Variants in PTPRD observed in about 807,000 individuals in gnomAD.
PTPRD encodes receptor-type tyrosine-protein phosphatase delta.
A neutral mutation model predicts 214.5 loss-of-function variants in PTPRD; 34 were observed. That is an observed-to-expected ratio of 0.16 (90% CI 0.12 to 0.21). PTPRD has a LOEUF of 0.21. Ranked by LOEUF, PTPRD falls within the 10% of genes least tolerant of loss-of-function variation. The pLI is 1.00. For missense variants in PTPRD, 2,545 were observed against 2,398.7 expected (o/e 1.06, Z -1.27); for synonymous variants, 1,128 against 845.7 (o/e 1.33, Z -5.79).
rs1304541345 is a variant in PTPRD at position 9,313,193 on chromosome 9, GT to G, written c.-203+84255del. Among the ~76,000 whole-genome samples, 9 of 152,180 alleles carry G rather than the reference GT, an allele frequency of 5.9e-5. No individual in the cohort carries two copies. In the South Asian group the frequency reaches 1.9e-3, roughly 32 times the overall value. ...GTTTTGCTGTGTGTCATAAGTTGCA[GT>G]TTCCGGTAAGTTACTGATGATGTTA... is the stretch of plus-strand genomic sequence containing the variant. On this transcript the variant is annotated intron_variant, in intron 9 of 45. Transcript: ENST00000381196.
At chr9:9,646,980 T>G (rs2154370175) in intron 7 of PTPRD, among the ~76,000 whole-genome samples, 1 of 152,118 alleles carries the variant, frequency 6.6e-6, no homozygotes, top group African/African-American at 2.4e-5. Context: ...TCATATAGAG[T>G]ATATACTGTT....
intron 44 of PTPRD, among the ~76,000 whole-genome samples, chr9:8,325,898 G>C (rs540352067): frequency 6.6e-6 from 1 of 152,290 alleles, no homozygotes; most frequent in African/African-American, 2.4e-5. Flanking sequence ...AGGAATGCTT[G>C]TGATTTTTGC....
intron 9 of PTPRD, among the ~76,000 whole-genome samples, chr9:9,264,874 A>AT (rs1429351538): frequency 4.7e-5 from 7 of 148,982 alleles, no homozygotes; most frequent in Non-Finnish European, 1.0e-4. Flanking sequence ...GAGAAAGTGG[A>AT]ATGACGTATT....
chr9:8,708,472 G>C (rs1189449409), intron 12 of PTPRD, among the ~76,000 whole-genome samples: 1 of 151,806 alleles, frequency 6.6e-6, no homozygotes. Context: ...TCAGGAGTTC[G>C]AGACCAGCCT....
intron 33 of PTPRD, among the ~76,000 whole-genome samples, chr9:8,458,865 T>C (rs544837664): frequency 3.9e-5 from 6 of 152,242 alleles, no homozygotes; most frequent in African/African-American, 9.6e-5. Context: ...GCACGGATAA[T>C]TGAATGATGG....
At chr9:10,562,757 T>C (rs1243129590) in intron 2 of PTPRD, among the ~76,000 whole-genome samples, 1 of 152,060 alleles carries the variant, frequency 6.6e-6, no homozygotes, top group Non-Finnish European at 1.5e-5. Context: ...GCACAATGAG[T>C]CAGAAAGCCT....
intron 2 of PTPRD, among the ~76,000 whole-genome samples, chr9:10,596,510 T>C (rs1470893115): frequency 6.6e-6 from 1 of 151,690 alleles, no homozygotes; most frequent in Non-Finnish European, 1.5e-5. Context: ...AAAGGCAGTA[T>C]AAATTAAAAG....
At chr9:10,296,838 C>T (rs2095689128) in intron 3 of PTPRD, among the ~76,000 whole-genome samples, 1 of 151,954 alleles carries the variant, frequency 6.6e-6, no homozygotes, top group Non-Finnish European at 1.5e-5. Context: ...GACGATTGAC[C>T]TCTCTTAGAT....
intron 3 of PTPRD, among the ~76,000 whole-genome samples, chr9:10,193,510 G>A (rs981411921): frequency 2.6e-5 from 4 of 152,098 alleles, no homozygotes; most frequent in African/African-American, 9.7e-5. Context: ...ATGTAAAAGC[G>A]GGGGTGGGAG....
intron 4 of PTPRD, among the ~76,000 whole-genome samples, chr9:9,957,917 AC>A (rs2094063409): frequency 6.6e-6 from 1 of 152,064 alleles, no homozygotes; most frequent in South Asian, 2.1e-4. Context: ...CCAGAATCAG[AC>A]CCACATCAAT....
At chr9:8,960,762 G>C (rs1173224928) in intron 11 of PTPRD, among the ~76,000 whole-genome samples, 1 of 152,086 alleles carries the variant, frequency 6.6e-6, no homozygotes, top group African/African-American at 2.4e-5. Flanking sequence ...GGCAAATTAT[G>C]TGTCATTTTG....
chr9:9,843,721 T>C (rs538710777), intron 5 of PTPRD, among the ~76,000 whole-genome samples: 1 of 151,858 alleles, frequency 6.6e-6, no homozygotes, highest in African/African-American at 2.4e-5. Context: ...ATCTAGAAAA[T>C]CAACATAAGC....
chr9:10,142,359 T>C (rs1313018465), intron 3 of PTPRD, among the ~76,000 whole-genome samples: 1 of 151,406 alleles, frequency 6.6e-6, no homozygotes, highest in African/African-American at 2.4e-5. Flanking sequence ...GGGAGAAAAT[T>C]TTCGCAACCT....
chr9:10,203,362 A>G (rs1373075548), intron 3 of PTPRD, among the ~76,000 whole-genome samples: 1 of 152,084 alleles, frequency 6.6e-6, no homozygotes, highest in Non-Finnish European at 1.5e-5. Context: ...AGCCCTAGTT[A>G]ACACCAGCTG....
intron 11 of PTPRD, among the ~76,000 whole-genome samples, chr9:8,761,946 A>G (rs749300037): frequency 3.3e-5 from 5 of 152,210 alleles, no homozygotes; most frequent in African/African-American, 4.8e-5. Context: ...CTAAGGCACC[A>G]TTATTAACAC....
chr9:9,011,180 G>T (rs7029466), intron 11 of PTPRD, among the ~76,000 whole-genome samples: 33 of 152,006 alleles, frequency 2.2e-4, no homozygotes, highest in African/African-American at 6.0e-4. Flanking sequence ...ATACAAAAGT[G>T]GGGGGAGTCT....
chr9:8,839,069 A>G (rs2097502395), intron 11 of PTPRD, among the ~76,000 whole-genome samples: 1 of 152,128 alleles, frequency 6.6e-6, no homozygotes, highest in Non-Finnish European at 1.5e-5. Context: ...CAATATGACT[A>G]CAGTCAATAT....
intron 8 of PTPRD, among the ~76,000 whole-genome samples, chr9:9,569,460 G>C (rs1407136543): frequency 6.6e-6 from 1 of 151,642 alleles, no homozygotes; most frequent in African/African-American, 2.4e-5. Context: ...ATTCTGCTCA[G>C]CTTTACAATA....
intron 11 of PTPRD, among the ~76,000 whole-genome samples, chr9:8,748,522 CAAAAAAAAAAAA>C (rs1239091825): frequency 2.6e-5 from 1 of 37,862 alleles, no homozygotes; most frequent in Non-Finnish European, 6.1e-5. Context: ...CCTGCAACTG[CAAAAAAAAAAAA>C]AAAAAAGAAA....
Sources: allele counts gnomAD v4.1 joint callset (sites outside exome capture counted in the v4.1 genomes callset), GRCh38; gene constraint gnomAD v4.1.1; transcripts MANE v1.5; gene names NCBI Gene and HGNC (gene_info 2026-07-23, HGNC 2026-07-21).